Variants in ETS1 observed in about 807,000 individuals in gnomAD.
The protein encoded by ETS1 is protein C-ets-1.
Under a neutral mutation model 58.6 loss-of-function variants are expected in ETS1, and 15 were observed. That is an observed-to-expected ratio of 0.26 (90% CI 0.17 to 0.39). ETS1 has a LOEUF of 0.39. Ranked by LOEUF, ETS1 falls within the 10% of genes least tolerant of loss-of-function variation. The pLI is 1.00. For missense variants in ETS1, 417 were observed against 610.5 expected, an observed-to-expected ratio of 0.68 and a Z score of 3.34; for synonymous variants, 214 against 218.2, an observed-to-expected ratio of 0.98 and a Z score of 0.17.
At chr11:128,568,618 G>T (rs183875765) in intron 2 of ETS1, among the ~76,000 whole-genome samples, 173 of 152,260 alleles carry the variant, frequency 1.1e-3, no homozygotes, top group African/African-American at 3.6e-3. Context: ...CTGACCTTAC[G>T]CATGGGGAAA....
intron 1 of ETS1, among the ~76,000 whole-genome samples, chr11:128,580,380 C>T (rs1041767866): frequency 6.6e-6 from 1 of 152,102 alleles, no homozygotes; most frequent in South Asian, 2.1e-4. Flanking sequence ...TTTCCCAAAT[C>T]ATTTGAGTAG....
At chr11:128,547,970 C>T (rs1475230208) in intron 3 of ETS1, among the ~76,000 whole-genome samples, 1 of 151,876 alleles carries the variant, frequency 6.6e-6, no homozygotes, top group African/African-American at 2.4e-5. Context: ...TCATGTTTGA[C>T]TGATGACCTC....
At chr11:128,479,083 A>C (rs10790956) in intron 8 of ETS1, among the ~76,000 whole-genome samples, 2 of 152,056 alleles carry the variant, frequency 1.3e-5, no homozygotes, top group Admixed American at 1.3e-4. Context: ...TCTTTGAAGG[A>C]GGAGTAAGTT....
chr11:128,501,117 G>A (rs879296286), intron 3 of ETS1, among the ~76,000 whole-genome samples: 3 of 151,934 alleles, frequency 2.0e-5, no homozygotes, highest in Admixed American at 6.6e-5. Context: ...CATCACTTCC[G>A]TCCAGGTTTC....
At chr11:128,585,140 GA>G (rs1387735589) in intron 1 of ETS1, among the ~76,000 whole-genome samples, 1 of 4,840 alleles carries the variant, frequency 2.1e-4, no homozygotes, top group South Asian at 0.014. Flanking sequence ...AGAAAGAAAA[GA>G]AAGAAAGAAA....
intron 3 of ETS1, among the ~76,000 whole-genome samples, chr11:128,511,339 A>G (rs1318060995): frequency 6.6e-6 from 1 of 152,240 alleles, no homozygotes. Context: ...TATTTCTCAA[A>G]GTCCAAAGTC....
At position 128,540,038 on chromosome 11, in the gene ETS1, G is replaced by A. The variant is rs143379980; in HGVS notation, c.214+16253C>T. 7.5e-3 allele frequency among the ~76,000 whole-genome samples: 1,142 copies of A among 152,296 alleles called. 9 individuals carry two copies. The highest frequency in any genetic ancestry group is 0.025 in the African/African-American group (1,043 of 41,554). On this transcript the variant is annotated intron_variant, in intron 3 of 9. Transcript: ENST00000392668. Reference sequence around the variant, plus strand: ...AAGAAGAATAAAAATGTTGCTGGGCGCAGTGGATCATGCCTGTAATCCCAG... The same window carrying A: ...AAGAAGAATAAAAATGTTGCTGGGCACAGTGGATCATGCCTGTAATCCCAG...
At position 128,551,329 on chromosome 11, in the gene ETS1, C is replaced by T. The variant is rs978245764; in HGVS notation, c.214+4962G>A. Among the ~76,000 whole-genome samples the T allele has an allele frequency of 3.7e-4, 57 of 152,158 alleles. 1 individual carries two copies. Among genetic ancestry groups the T allele is most frequent in the Non-Finnish European group, 2.9e-5 (2 of 68,036 alleles). On this transcript the variant is annotated intron_variant, in intron 3 of 9. Transcript: ENST00000392668. The stretch of plus-strand genomic sequence containing the variant: ...GACATCCCACCTGGTTGTGGATAGC[C>T]CTTTCCAAACACTGGCCCAGGTTTG...
chr11:128,517,223 AG>A (rs2135511016), intron 3 of ETS1, among the ~76,000 whole-genome samples: 1 of 152,338 alleles, frequency 6.6e-6, no homozygotes, highest in South Asian at 2.1e-4. Context: ...CAGAGATAGC[AG>A]GGAGCCACTG....
At chr11:128,509,185 G>C (rs1431943701) in intron 3 of ETS1, among the ~76,000 whole-genome samples, 1 of 152,196 alleles carries the variant, frequency 6.6e-6, no homozygotes, top group African/African-American at 2.4e-5. Flanking sequence ...AAGCCACAAA[G>C]CTCCCTGCAA....
intron 3 of ETS1, among the ~76,000 whole-genome samples, chr11:128,523,966 T>G (rs1354422549): frequency 6.6e-6 from 1 of 152,228 alleles, no homozygotes; most frequent in Non-Finnish European, 1.5e-5. Flanking sequence ...CACTATGAAT[T>G]CATCAGGAGA....
At chr11:128,511,631 T>A (rs1009770806) in intron 3 of ETS1, among the ~76,000 whole-genome samples, 2 of 152,216 alleles carry the variant, frequency 1.3e-5, no homozygotes, top group Non-Finnish European at 2.9e-5. Context: ...ATGCATAAAA[T>A]ATGTGGGTGA....
chr11:128,585,100 AAAGGAAGGAAG>A (rs1864976187), intron 1 of ETS1, among the ~76,000 whole-genome samples: 1 of 29,378 alleles, frequency 3.4e-5, no homozygotes, highest in African/African-American at 3.4e-4. Flanking sequence ...GGAAAGAAAG[AAAGGAAGGAAG>A]GAAGGAAAGA....
intron 3 of ETS1, among the ~76,000 whole-genome samples, chr11:128,537,880 A>G (rs1327671500): frequency 1.3e-5 from 2 of 152,204 alleles, no homozygotes; most frequent in Non-Finnish European, 1.5e-5. Context: ...ATAAGCACCT[A>G]CAAGAAGGGA....
At position 128,464,996 on chromosome 11, in the gene ETS1, G is replaced by C. The variant is rs772312674; in HGVS notation, c.1124-1369C>G. On this transcript the variant is annotated intron_variant, in intron 8 of 9. Transcript: ENST00000392668. This position sits in a 1 kb window ranked among gnomAD's most constrained non-coding sequence, Gnocchi z 4.1. ...GTACTGTGACTTTGCTCTGAGCCAC[G>C]GTTAGCGAAATGGTGGTTCTGGGTC... is the stretch of plus-strand genomic sequence containing the variant. Among the ~76,000 whole-genome samples the C allele has an allele frequency of 6.6e-6, 1 of 152,124 alleles. No homozygotes were observed. Among genetic ancestry groups the C allele is most frequent in the Non-Finnish European group, 1.5e-5 (1 of 68,030 alleles).
intron 8 of ETS1, among the ~76,000 whole-genome samples, chr11:128,475,168 A>G (rs186917248): frequency 6.2e-4 from 95 of 152,300 alleles, no homozygotes; most frequent in African/African-American, 2.2e-3. Flanking sequence ...TTTCCTTATC[A>G]CTAACTTAGG....
chr11:128,526,788 G>T (rs1565397740), intron 3 of ETS1: 1 of 366,148 alleles, frequency 2.7e-6, no homozygotes, highest in Non-Finnish European at 5.3e-6. Flanking sequence ...CACATTTGTA[G>T]TGCCTCTTTG....
At chr11:128,566,709 G>C (rs1385279909) in intron 2 of ETS1, among the ~76,000 whole-genome samples, 1 of 151,998 alleles carries the variant, frequency 6.6e-6, no homozygotes, top group Non-Finnish European at 1.5e-5. Flanking sequence ...CGTGAATCTG[G>C]GGGGCAGAGC....
chr11:128,467,937 C>A (rs982991679), intron 8 of ETS1, among the ~76,000 whole-genome samples: 1 of 152,164 alleles, frequency 6.6e-6, no homozygotes, highest in Admixed American at 6.5e-5. Flanking sequence ...CTCCACACCC[C>A]CTGCTGTCTG....
Sources: allele counts gnomAD v4.1 joint callset (sites outside exome capture counted in the v4.1 genomes callset), GRCh38; gene constraint gnomAD v4.1.1; non-coding constraint Gnocchi (gnomAD v3.1); transcripts MANE v1.5; gene names NCBI Gene and HGNC (gene_info 2026-07-23, HGNC 2026-07-21).